BMPER: variants seen among roughly 807,000 people sequenced by gnomAD.
BMPER encodes BMP-binding endothelial regulator protein.
In BMPER, 45 loss-of-function variants were observed where a neutral mutation model predicts 87.3. That is an observed-to-expected ratio of 0.52 (90% CI 0.41 to 0.66). The LOEUF (loss-of-function observed/expected upper bound fraction) is 0.66, where lower values mean the gene tolerates loss of function less well. BMPER is among the 30% of genes least tolerant of loss of function. The pLI, the probability that BMPER is intolerant of heterozygous loss-of-function variation, is 0.00. For synonymous variants in BMPER, 326 were observed against 316.2 expected, an observed-to-expected ratio of 1.03 and a Z score of -0.33; for missense variants, 784 against 867.5, an observed-to-expected ratio of 0.90 and a Z score of 1.21.
chr7:34,003,006 C>T (rs1333604254), intron 6 of BMPER, among the ~76,000 whole-genome samples: 1 of 151,558 alleles, frequency 6.6e-6, no homozygotes, highest in Non-Finnish European at 1.5e-5. Context: ...GGCCCATTTC[C>T]ATTTAATGTA....
intron 3 of BMPER, among the ~76,000 whole-genome samples, chr7:33,947,813 C>A (rs888303799): frequency 6.6e-6 from 1 of 151,846 alleles, no homozygotes; most frequent in East Asian, 1.9e-4. Context: ...AATAAGGGAC[C>A]TCTCCTCAGT....
chr7:33,944,603 G>A (rs1476021899), intron 3 of BMPER, among the ~76,000 whole-genome samples: 2 of 152,194 alleles, frequency 1.3e-5, no homozygotes, highest in African/African-American at 4.8e-5. Flanking sequence ...AGGAAAGTAA[G>A]AGAGAAGAAG....
chr7:34,065,587 C>A (rs1200004544), intron 11 of BMPER, among the ~76,000 whole-genome samples: 1 of 152,234 alleles, frequency 6.6e-6, no homozygotes, highest in East Asian at 1.9e-4. Context: ...GGATTAGATG[C>A]AGTAGGAGAG....
intron 13 of BMPER, among the ~76,000 whole-genome samples, chr7:34,130,622 G>A (rs186775342): frequency 1.3e-5 from 2 of 152,330 alleles, no homozygotes; most frequent in African/African-American, 4.8e-5. Flanking sequence ...GGGAAAATTG[G>A]TGAGCAACAC....
chr7:33,966,402 C>A, intron 3 of BMPER, 77 bp from the exon 4 acceptor site: 2 of 1,284,530 alleles, frequency 1.6e-6, no homozygotes, highest in Admixed American at 1.7e-5. Context: ...GAGAACATAA[C>A]TTATTTTGCT....
At chr7:34,143,766 A>G (rs1030547131) in intron 14 of BMPER, among the ~76,000 whole-genome samples, 1 of 152,190 alleles carries the variant, frequency 6.6e-6, no homozygotes. Context: ...AGAGATTATT[A>G]TACAAAGCCT....
chr7:34,154,399 G>A lies in BMPER; in HGVS notation c.*1126G>A, dbSNP rs1242485028. On this transcript the variant is annotated 3_prime_UTR_variant, in exon 15 of 15. Transcript: ENST00000649409. ...TTGATTGTCTTGACTTTCGTCTTCA[G>A]TTGAATTGGTGAAAACATCAACAAA... The A allele has an allele frequency of 1.3e-5, 2 of 152,168 alleles. No individual in the cohort carries two copies. The highest frequency in any genetic ancestry group is 2.9e-5 in the Non-Finnish European group (2 of 68,032). 9.4% of individuals were successfully genotyped at this position (152,168 alleles called of 1,614,324 possible).
At chr7:33,908,744 T>C (rs1310885499) in intron 2 of BMPER, among the ~76,000 whole-genome samples, 1 of 152,224 alleles carries the variant, frequency 6.6e-6, no homozygotes, top group Non-Finnish European at 1.5e-5. Context: ...ATTAGGACTT[T>C]GGCTATCAGC....
At chr7:34,118,326 A>G (rs1199400925) in intron 13 of BMPER, among the ~76,000 whole-genome samples, 2 of 152,146 alleles carry the variant, frequency 1.3e-5, no homozygotes, top group African/African-American at 4.8e-5. Flanking sequence ...AACAAAACAA[A>G]ATAAAATCTA....
intron 13 of BMPER, among the ~76,000 whole-genome samples, chr7:34,126,808 T>C (rs1278778801): frequency 6.6e-6 from 1 of 152,194 alleles, no homozygotes; most frequent in Non-Finnish European, 1.5e-5. Flanking sequence ...TATATAGACA[T>C]AATGCTAGAT....
rs1443862584 is a variant in BMPER at position 34,086,036 on chromosome 7, C to G, written c.1689C>G (p.Leu563=). 3.7e-6 allele frequency: 6 copies of G among 1,613,860 alleles called. No individual in the cohort carries two copies. The highest frequency in any genetic ancestry group is 5.1e-6 in the Non-Finnish European group (6 of 1,180,022). ...KLRAHRECQK[L]KSWEFQTCHS... ...GGGCCCATCGAGAATGCCAAAAGCT[C>G]AAATCCTGGGAGTTTCAGACCTGCC... is the stretch of plus-strand genomic sequence containing the variant. Residue 563 remains leucine, a synonymous_variant, in exon 13 of 15, where the codon CTC becomes CTG. Transcript: ENST00000649409.
intron 3 of BMPER, among the ~76,000 whole-genome samples, chr7:33,937,772 G>T (rs1463200040): frequency 6.6e-6 from 1 of 152,042 alleles, no homozygotes; most frequent in Non-Finnish European, 1.5e-5. Flanking sequence ...CACTCACCCT[G>T]CCCACCTCTG....
At chr7:34,038,145 A>T (rs1438939933) in intron 6 of BMPER, among the ~76,000 whole-genome samples, 1 of 152,212 alleles carries the variant, frequency 6.6e-6, no homozygotes, top group Non-Finnish European at 1.5e-5. Flanking sequence ...GACTTTGCAG[A>T]TAGGATTAAG....
intron 6 of BMPER, among the ~76,000 whole-genome samples, chr7:34,026,046 C>A (rs954036869): frequency 6.6e-6 from 1 of 151,944 alleles, no homozygotes. Flanking sequence ...TTCTGGACTC[C>A]CTACTTTGGG....
At chr7:33,905,471 C>A (rs1360523867), upstream of BMPER, 24 of 910,694 alleles carry the variant, frequency 2.6e-5, no homozygotes, top group Non-Finnish European at 3.8e-5. Flanking sequence ...CCCCGCCCCC[C>A]AGCTCTCGGG....
chr7:34,024,384 A>ATAT (rs1787293391), intron 6 of BMPER, among the ~76,000 whole-genome samples: 2 of 23,432 alleles, frequency 8.5e-5, no homozygotes, highest in African/African-American at 4.2e-4. Flanking sequence ...AAAAAAAAAC[A>ATAT]ATATATATAT....
chr7:34,009,477 A>G (rs539507314), intron 6 of BMPER, among the ~76,000 whole-genome samples: 78 of 152,070 alleles, frequency 5.1e-4, no homozygotes, highest in African/African-American at 1.8e-3. Flanking sequence ...GTTGCATACA[A>G]GACTGGTGTA....
At chr7:33,920,908 A>G (rs1446088455) in intron 2 of BMPER, among the ~76,000 whole-genome samples, 3 of 152,226 alleles carry the variant, frequency 2.0e-5, no homozygotes, top group Non-Finnish European at 4.4e-5. Flanking sequence ...GTAAAACTTT[A>G]TAATAGGTCA....
intron 3 of BMPER, among the ~76,000 whole-genome samples, chr7:33,951,789 G>C (rs947858730): frequency 2.0e-5 from 3 of 152,186 alleles, no homozygotes; most frequent in African/African-American, 4.8e-5. Context: ...ATTTAGTGTA[G>C]TACTGTTGGC....
Sources: allele counts gnomAD v4.1 joint callset (sites outside exome capture counted in the v4.1 genomes callset), GRCh38; gene constraint gnomAD v4.1.1; transcripts MANE v1.5; gene names NCBI Gene and HGNC (gene_info 2026-07-23, HGNC 2026-07-21).